AKAP13: variants seen among roughly 807,000 people sequenced by gnomAD.
AKAP13 encodes A-kinase anchoring protein 13.
AKAP13 carries 80 observed loss-of-function variants against 264.5 expected under a neutral mutation model. That is an observed-to-expected ratio of 0.30 (90% confidence interval 0.25 to 0.36). AKAP13 has a LOEUF of 0.36. AKAP13 is among the 10% of genes least tolerant of loss of function. The pLI, the probability that AKAP13 is intolerant of heterozygous loss-of-function variation, is 1.00. For synonymous variants in AKAP13, 1,380 were observed against 1,250.2 expected (o/e 1.10, Z -2.19); for missense variants, 3,712 against 3,435.2 (o/e 1.08, Z -2.01).
At chr15:85,522,293 G>C (rs113302372) in intron 3 of AKAP13, among the ~76,000 whole-genome samples, 1 of 152,112 alleles carries the variant, frequency 6.6e-6, no homozygotes, top group Non-Finnish European at 1.5e-5. Flanking sequence ...AAGTTCGAGG[G>C]CTGTGTGTTT....
intron 8 of AKAP13, among the ~76,000 whole-genome samples, chr15:85,618,489 A>C: frequency 6.7e-6 from 1 of 149,622 alleles, no homozygotes. Context: ...TTGTTTCTTC[A>C]CTCCTTTCTG....
intron 5 of AKAP13, among the ~76,000 whole-genome samples, chr15:85,560,496 C>T (rs1323784921): frequency 6.6e-6 from 1 of 152,138 alleles, no homozygotes; most frequent in Admixed American, 6.5e-5. Context: ...ATTCATGATG[C>T]ACCTGCATAA....
Position 85,468,665 on chromosome 15 carries a change from T to C in AKAP13, c.-11-17045T>C, listed in dbSNP as rs146261100. On this transcript the variant is annotated intron_variant, in intron 1 of 36. Coordinates refer to ENST00000394518, the MANE Select transcript of AKAP13 (RefSeq NM_007200.5). ...AATATGAACTGGATTTGTAGAATTT[T>C]GTATGAAGTCTGACTTAAAATATAA... 6.4e-3 allele frequency among the ~76,000 whole-genome samples: 978 copies of C among 152,352 alleles called. 5 individuals are homozygous for C. The highest frequency in any genetic ancestry group is 0.011 in the Non-Finnish European group (768 of 68,030).
intron 1 of AKAP13, among the ~76,000 whole-genome samples, chr15:85,458,913 C>A (rs2074394819): frequency 6.6e-6 from 1 of 152,142 alleles, no homozygotes; most frequent in Non-Finnish European, 1.5e-5. Flanking sequence ...TGGCTTCTTT[C>A]TAAATATTTG....
At chr15:85,383,580 TGTGA>T (rs1276467624) in intron 1 of AKAP13, among the ~76,000 whole-genome samples, 4 of 152,178 alleles carry the variant, frequency 2.6e-5, no homozygotes, top group Non-Finnish European at 4.4e-5. Context: ...CCTTGAGACT[TGTGA>T]GTCTTATCGA....
chr15:85,701,393 G>C (rs550661940), intron 17 of AKAP13, among the ~76,000 whole-genome samples: 1 of 152,114 alleles, frequency 6.6e-6, no homozygotes, highest in African/African-American at 2.4e-5. Context: ...AGTTCTACCT[G>C]CTCAGCAAAA....
intron 1 of AKAP13, among the ~76,000 whole-genome samples, chr15:85,409,149 C>T (rs1232341223): frequency 6.6e-6 from 1 of 151,380 alleles, no homozygotes; most frequent in Non-Finnish European, 1.5e-5. Context: ...TGTTCAAATC[C>T]TTTGCCTGTT....
chr15:85,716,560 G>T (rs1337605645), intron 20 of AKAP13, among the ~76,000 whole-genome samples: 1 of 152,206 alleles, frequency 6.6e-6, no homozygotes, highest in Non-Finnish European at 1.5e-5. Context: ...CATTTCAAAT[G>T]TAGGACTCAG....
chr15:85,654,265 T>G (rs376301278), intron 10 of AKAP13, among the ~76,000 whole-genome samples: 2 of 152,240 alleles, frequency 1.3e-5, no homozygotes, highest in African/African-American at 4.8e-5. Context: ...TGGCAAACTT[T>G]AGGTGGGGTC....
intron 30 of AKAP13, among the ~76,000 whole-genome samples, chr15:85,732,037 C>T (rs1053410535): frequency 2.1e-5 from 3 of 145,330 alleles, no homozygotes; most frequent in African/African-American, 5.2e-5. Context: ...GAGCTGAGAT[C>T]GTATCACTGC....
At chr15:85,550,609 A>C (rs149407672) in intron 5 of AKAP13, among the ~76,000 whole-genome samples, 2 of 152,254 alleles carry the variant, frequency 1.3e-5, no homozygotes, top group African/African-American at 2.4e-5. Flanking sequence ...CTCTTCAGGT[A>C]CTTGACAAGT....
At chr15:85,399,517 AAAAAATAAAAAAATAAAAAAATAAAT>A (rs2071300843) in intron 1 of AKAP13, among the ~76,000 whole-genome samples, 8 of 125,970 alleles carry the variant, frequency 6.4e-5, no homozygotes, top group African/African-American at 1.9e-4. Context: ...AAAAAAAAAA[AAAAAATAAAAAAATAAAAAAATAAAT>A]AAATAAATAA....
chr15:85,633,535 C>CTTTTTTTTT (rs56687591), intron 8 of AKAP13, among the ~76,000 whole-genome samples: 33 of 97,764 alleles, frequency 3.4e-4, no homozygotes, highest in Non-Finnish European at 6.0e-4. Flanking sequence ...CTTTTTTTTT[C>CTTTTTTTTT]TTTTTTTTTT....
chr15:85,560,332 GGGGGT>G (rs1257776434), intron 5 of AKAP13, among the ~76,000 whole-genome samples: 2 of 151,782 alleles, frequency 1.3e-5, no homozygotes, highest in Non-Finnish European at 2.9e-5. Flanking sequence ...TGCAAAGAGT[GGGGGT>G]GGTCTCCCTG....
At chr15:85,523,103 T>C (rs973103434) in intron 3 of AKAP13, among the ~76,000 whole-genome samples, 7 of 152,020 alleles carry the variant, frequency 4.6e-5, no homozygotes, top group Admixed American at 2.0e-4. Flanking sequence ...GGCAACACTT[T>C]AACGTGTGAG....
intron 1 of AKAP13, among the ~76,000 whole-genome samples, chr15:85,398,594 C>T (rs569160114): frequency 7.0e-4 from 106 of 152,236 alleles, no homozygotes; most frequent in African/African-American, 2.4e-3. Context: ...CTCACTCTGT[C>T]GCCCAGGCCA....
chr15:85,570,150 G>A (rs960897449), intron 5 of AKAP13, among the ~76,000 whole-genome samples: 15 of 151,334 alleles, frequency 9.9e-5, no homozygotes, highest in Admixed American at 7.2e-4. Context: ...AGCTTTGGTA[G>A]CATTCAGAGT....
At chr15:85,598,077 C>A (rs951772576) in intron 8 of AKAP13, among the ~76,000 whole-genome samples, 1 of 152,110 alleles carries the variant, frequency 6.6e-6, no homozygotes, top group South Asian at 2.1e-4. Flanking sequence ...TTTTTGACAT[C>A]ATTAATTTCT....
At chr15:85,577,671 G>A (rs1481849689) in intron 6 of AKAP13, 3 of 462,960 alleles carry the variant, frequency 6.5e-6, no homozygotes, top group Non-Finnish European at 8.5e-6. Flanking sequence ...CCATTTTTGA[G>A]ATTACATATA....
Sources: allele counts gnomAD v4.1 joint callset (sites outside exome capture counted in the v4.1 genomes callset), GRCh38; gene constraint gnomAD v4.1.1; transcripts MANE v1.5; gene names NCBI Gene and HGNC (gene_info 2026-07-23, HGNC 2026-07-21).